PDE7A: variants seen among roughly 807,000 people sequenced by gnomAD.
PDE7A encodes high affinity 3',5'-cyclic-AMP phosphodiesterase 7A.
A neutral mutation model predicts 64.3 loss-of-function variants in PDE7A; 39 were observed. That is an observed-to-expected ratio of 0.61 (90% CI 0.47 to 0.79). The LOEUF is 0.79. PDE7A is among the 30% of genes least tolerant of loss of function. The pLI is 0.00. For missense variants in PDE7A, 470 were observed against 582.8 expected, an observed-to-expected ratio of 0.81 and a Z score of 1.99; for synonymous variants, 203 against 206.8, an observed-to-expected ratio of 0.98 and a Z score of 0.16.
At chr8:65,802,325 G>A (rs1202814411) in intron 1 of PDE7A, among the ~76,000 whole-genome samples, 1 of 152,128 alleles carries the variant, frequency 6.6e-6, no homozygotes, top group Non-Finnish European at 1.5e-5. Flanking sequence ...TCATTAAAAT[G>A]GCAAGTTTTA....
chr8:65,818,606 A>G (rs539575045), intron 1 of PDE7A, among the ~76,000 whole-genome samples: 2 of 152,286 alleles, frequency 1.3e-5, no homozygotes, highest in African/African-American at 4.8e-5. Flanking sequence ...AAGTGCATTC[A>G]AAGTTCAGCC....
chr8:65,748,108 T>A (rs1391851017), intron 3 of PDE7A, among the ~76,000 whole-genome samples: 1 of 151,850 alleles, frequency 6.6e-6, no homozygotes, highest in African/African-American at 2.4e-5. Context: ...TTTTTTTTTT[T>A]AACTTTAAAA....
intron 3 of PDE7A, among the ~76,000 whole-genome samples, chr8:65,761,831 T>C (rs1808510954): frequency 6.6e-6 from 1 of 152,188 alleles, no homozygotes; most frequent in Non-Finnish European, 1.5e-5. Flanking sequence ...AGACAGGAAA[T>C]ACAAGCCCCA....
rs1243573918 is a variant in PDE7A, at chr8:65,739,796, TTTG to T, written c.500-202_500-200del. On this transcript the variant is annotated intron_variant, in intron 5 of 12. Coordinates refer to ENST00000401827, the MANE Select transcript of PDE7A (RefSeq NM_001242318.3). ...GTTTCATTATAAGAAAAATTTAATT[TTTG>T]TTGTTTTACTTTTCCACAACCAAAG... 2.6e-5 allele frequency among the ~76,000 whole-genome samples: 4 copies of T among 152,360 alleles called. No homozygotes were observed. The East Asian group carries it at 5.8e-4, about 22-fold the overall frequency.
intron 7 of PDE7A, among the ~76,000 whole-genome samples, chr8:65,731,409 A>G (rs775518476): frequency 6.6e-5 from 10 of 152,254 alleles, no homozygotes; most frequent in East Asian, 1.9e-4. Context: ...TCTCTGGGAC[A>G]TGTAAGCGTA....
In PDE7A at chr8:65,841,910, G is replaced by A. The variant is rs1186916553; in HGVS notation, c.-402C>T. 7.5e-5 allele frequency: 16 copies of A among 213,048 alleles called. No individual in the cohort carries two copies. Among genetic ancestry groups the A allele is most frequent in the Middle Eastern group, 1.9e-3 (1 of 514 alleles). 13.2% of individuals were successfully genotyped at this position (213,048 alleles called of 1,614,324 possible). On this transcript the variant is annotated 5_prime_UTR_variant, in exon 1 of 13. Coordinates refer to ENST00000401827, the MANE Select transcript of PDE7A (RefSeq NM_001242318.3). ...AAAGCAGTGCAAGAAAAGACAGCTG[G>A]AGCCAGCGGCCAGACCCAGGGCGCG...
At chr8:65,772,195 T>A (rs1007618398) in intron 3 of PDE7A, among the ~76,000 whole-genome samples, 6 of 152,156 alleles carry the variant, frequency 3.9e-5, no homozygotes, top group Admixed American at 6.5e-5. Context: ...ATAAGTGGGT[T>A]GAGGAGCTGT....
At chr8:65,767,514 A>G (rs1166568851) in intron 3 of PDE7A, among the ~76,000 whole-genome samples, 1 of 152,160 alleles carries the variant, frequency 6.6e-6, no homozygotes, top group Admixed American at 6.5e-5. Flanking sequence ...CAATCTCTCC[A>G]ATATTCTCCT....
At chr8:65,828,541 T>C (rs1173756757) in intron 1 of PDE7A, among the ~76,000 whole-genome samples, 2 of 152,152 alleles carry the variant, frequency 1.3e-5, no homozygotes, top group Non-Finnish European at 2.9e-5. Context: ...TGTTGCAAAT[T>C]GTTACCAAAA....
At chr8:65,817,441 A>AAACT (rs140242573) in intron 1 of PDE7A, among the ~76,000 whole-genome samples, 28,335 of 152,094 alleles carry the variant, frequency 0.19, 3,562 homozygotes, top group African/African-American at 0.37. Context: ...GCAACAAAAC[A>AAACT]AAAATATAGA....
At position 65,719,093 on chromosome 8, in the gene PDE7A, T is replaced by A; in HGVS notation, c.*197A>T. The A allele has an allele frequency of 1.7e-6, 1 of 583,886 alleles. No individual in the cohort carries two copies. The highest frequency in any genetic ancestry group is 3.0e-5 in the Admixed American group (1 of 33,702). The allele number at this position is 583,886 out of a possible 1,614,324, so 36.2% of individuals were successfully genotyped here. On this transcript the variant is annotated 3_prime_UTR_variant, in exon 13 of 13. Coordinates refer to ENST00000401827, the MANE Select transcript of PDE7A (RefSeq NM_001242318.3). ...GTTTCACATGAAAGCCAAATTCATATTGCTGTATGTTCGGGTCTTGCAATT... is the reference window on the plus strand; with the variant it reads ...GTTTCACATGAAAGCCAAATTCATAATGCTGTATGTTCGGGTCTTGCAATT...
At chr8:65,837,079 C>T (rs1179667989) in intron 1 of PDE7A, among the ~76,000 whole-genome samples, 2 of 152,216 alleles carry the variant, frequency 1.3e-5, no homozygotes, top group Non-Finnish European at 2.9e-5. Context: ...AATAATTACA[C>T]CACATATAAT....
intron 1 of PDE7A, among the ~76,000 whole-genome samples, chr8:65,832,441 G>A (rs1043162478): frequency 2.0e-5 from 3 of 152,010 alleles, no homozygotes; most frequent in East Asian, 1.9e-4. Flanking sequence ...TCCCAAAAGC[G>A]AATTATCAAA....
chr8:65,751,172 A>G (rs938035867), intron 3 of PDE7A, among the ~76,000 whole-genome samples: 1 of 152,250 alleles, frequency 6.6e-6, no homozygotes, highest in Non-Finnish European at 1.5e-5. Context: ...TAACAAGATT[A>G]TATTCTGGTA....
rs141929984 is a variant in PDE7A, at chr8:65,752,870, T to TA, written c.284-5068dup. On this transcript the variant is annotated intron_variant, in intron 3 of 12. Coordinates refer to ENST00000401827, the MANE Select transcript of PDE7A (RefSeq NM_001242318.3). Reference sequence around the variant, plus strand: ...GTTTGCTTTTCTCATTTCTATCCACTATAACCATTACTGTGTTCAGTATAA... The same window carrying TA: ...GTTTGCTTTTCTCATTTCTATCCACTAATAACCATTACTGTGTTCAGTATAA... 3.3e-4 allele frequency among the ~76,000 whole-genome samples: 50 copies of TA among 152,338 alleles called. No homozygotes were observed. The East Asian group carries it at 6.5e-3, about 20-fold the overall frequency.
chr8:65,745,942 G>A (rs1284457620), intron 4 of PDE7A, among the ~76,000 whole-genome samples: 1 of 146,736 alleles, frequency 6.8e-6, no homozygotes, highest in Non-Finnish European at 1.5e-5. Flanking sequence ...TTTTTTCTTT[G>A]AGACAGGGTC....
intron 1 of PDE7A, among the ~76,000 whole-genome samples, chr8:65,787,131 C>T (rs1023219700): frequency 6.6e-6 from 1 of 152,118 alleles, no homozygotes; most frequent in Admixed American, 6.5e-5. Context: ...TCCAAGTTTT[C>T]CACTAAATGA....
chr8:65,838,460 A>G (rs1468449050), intron 1 of PDE7A: 1 of 152,242 alleles, frequency 6.6e-6, no homozygotes, highest in Non-Finnish European at 1.5e-5. Flanking sequence ...ACAAAAAATT[A>G]ATGCCTCATT....
intron 1 of PDE7A, among the ~76,000 whole-genome samples, chr8:65,836,174 T>C (rs1810946541): frequency 6.6e-6 from 1 of 152,228 alleles, no homozygotes; most frequent in Non-Finnish European, 1.5e-5. Context: ...CTGTATCAGC[T>C]TCTGTATCTA....
Sources: gnomAD v4.1 joint callset for allele counts (sites outside exome capture counted in the v4.1 genomes callset) on GRCh38, gnomAD v4.1.1 for gene constraint, MANE v1.5 for transcripts, NCBI Gene and HGNC (gene_info 2026-07-23, HGNC 2026-07-21) for gene names.